Variants in TNIK observed in about 807,000 individuals in gnomAD.
TNIK encodes TRAF2 and NCK interacting kinase, also known as TRAF2 and NCK-interacting protein kinase.
A neutral mutation model predicts 191.3 loss-of-function variants in TNIK; 49 were observed. The observed-to-expected ratio is 0.26, with a 90% CI of 0.20 to 0.32. The LOEUF is 0.32. TNIK is among the 10% of genes least tolerant of loss of function. The pLI is 1.00. For synonymous variants in TNIK, 594 were observed against 600.9 expected (o/e 0.99, Z 0.17); for missense variants, 1,155 against 1,702.3 (o/e 0.68, Z 5.66).
intron 21 of TNIK, among the ~76,000 whole-genome samples, chr3:171,105,662 G>A (rs1458392601): frequency 2.0e-5 from 3 of 152,084 alleles, no homozygotes. Flanking sequence ...CCAGTGTGGT[G>A]CAGTACACCA....
At chr3:171,115,619 C>A (rs549295775) in intron 18 of TNIK, among the ~76,000 whole-genome samples, 1 of 152,148 alleles carries the variant, frequency 6.6e-6, no homozygotes, top group East Asian at 1.9e-4. Context: ...GTTGTTTTTC[C>A]TGATGCATGT....
At chr3:171,344,217 T>C (rs897230958) in intron 2 of TNIK, among the ~76,000 whole-genome samples, 3 of 152,186 alleles carry the variant, frequency 2.0e-5, no homozygotes, top group Admixed American at 1.3e-4. Context: ...TTTCTGGGAG[T>C]TACAAACATC....
rs145874482 is a variant in TNIK at position 171,139,803 on chromosome 3, A to G, written c.1333-247T>C. On this transcript the variant is annotated intron_variant, in intron 13 of 32. Transcript: ENST00000436636. ...GATGTCTCGGCATTTTACTGCTACTACTTGGTTTTAATAAGCCCAGCTACA... is the reference window on the plus strand; with the variant it reads ...GATGTCTCGGCATTTTACTGCTACTGCTTGGTTTTAATAAGCCCAGCTACA... 1.2e-3 allele frequency among the ~76,000 whole-genome samples: 177 copies of G among 152,254 alleles called. 1 individual carries two copies. The highest frequency in any genetic ancestry group is 4.2e-3 in the African/African-American group (173 of 41,542).
At chr3:171,283,819 G>C (rs1214717533) in intron 2 of TNIK, among the ~76,000 whole-genome samples, 1 of 152,152 alleles carries the variant, frequency 6.6e-6, no homozygotes, top group African/African-American at 2.4e-5. Context: ...CGCTGCATGG[G>C]AATACAAGCA....
chr3:171,430,509 T>A (rs1725234955), intron 1 of TNIK, among the ~76,000 whole-genome samples: 2 of 151,610 alleles, frequency 1.3e-5, no homozygotes, highest in Admixed American at 1.3e-4. Flanking sequence ...AGTGGTGGTG[T>A]GGACTTGCAG....
chr3:171,090,151 G>A (rs1314050583), intron 23 of TNIK, among the ~76,000 whole-genome samples: 2 of 152,142 alleles, frequency 1.3e-5, no homozygotes, highest in Non-Finnish European at 2.9e-5. Context: ...CAGAGGGAGA[G>A]AAAGCTCCTC....
intron 1 of TNIK, among the ~76,000 whole-genome samples, chr3:171,428,168 C>T (rs1724891099): frequency 6.6e-6 from 1 of 152,138 alleles, no homozygotes; most frequent in South Asian, 2.1e-4. Context: ...TGAGAACAGA[C>T]TCAAGGTCAA....
rs368380975 is a variant in TNIK at position 171,445,237 on chromosome 3, T to C, written c.57+14770A>G. 9.8e-4 allele frequency among the ~76,000 whole-genome samples: 149 copies of C among 151,836 alleles called. No individual in the cohort carries two copies. The Middle Eastern group carries it at 0.014, about 14-fold the overall frequency. ...TTGAGCTTAGGAATCCGAGATCACGTAGGAAAGCCCTTCTCTATAAAAAAT... is the reference window on the plus strand; with the variant it reads ...TTGAGCTTAGGAATCCGAGATCACGCAGGAAAGCCCTTCTCTATAAAAAAT... On this transcript the variant is annotated intron_variant, in intron 1 of 32. Transcript: ENST00000436636.
At chr3:171,422,178 G>A (rs1723892756) in intron 1 of TNIK, among the ~76,000 whole-genome samples, 2 of 152,176 alleles carry the variant, frequency 1.3e-5, no homozygotes, top group Non-Finnish European at 2.9e-5. Context: ...TGTAAAGTCA[G>A]TTTGACTAAA....
chr3:171,405,157 TAGTA>T (rs1721497123), intron 1 of TNIK, among the ~76,000 whole-genome samples: 1 of 152,150 alleles, frequency 6.6e-6, no homozygotes, highest in Admixed American at 6.5e-5. Context: ...GGCCACACAC[TAGTA>T]AGTAACAGTG....
intron 23 of TNIK, among the ~76,000 whole-genome samples, chr3:171,090,662 A>G (rs908876131): frequency 6.6e-6 from 1 of 152,154 alleles, no homozygotes; most frequent in African/African-American, 2.4e-5. Context: ...GTAGCAGTGG[A>G]TAATACAAAA....
intron 18 of TNIK, among the ~76,000 whole-genome samples, chr3:171,115,432 C>T (rs1032035356): frequency 4.6e-5 from 7 of 152,162 alleles, no homozygotes; most frequent in African/African-American, 1.7e-4. Context: ...GCAGAGGGGA[C>T]AATAGGGAGC....
intron 2 of TNIK, among the ~76,000 whole-genome samples, chr3:171,277,522 G>A (rs532350023): frequency 6.6e-6 from 1 of 152,174 alleles, no homozygotes; most frequent in East Asian, 1.9e-4. Flanking sequence ...AAATTTCAGA[G>A]AAAATAATAT....
intron 15 of TNIK, among the ~76,000 whole-genome samples, chr3:171,132,187 A>AT (rs1204059451): frequency 6.6e-6 from 1 of 152,254 alleles, no homozygotes; most frequent in Admixed American, 6.5e-5. Context: ...GTGCTAGACC[A>AT]TAACAACAAA....
intron 22 of TNIK, among the ~76,000 whole-genome samples, chr3:171,100,407 T>G (rs1249992677): frequency 6.6e-6 from 1 of 152,118 alleles, no homozygotes; most frequent in African/African-American, 2.4e-5. Flanking sequence ...TGTAATGATG[T>G]TAATCAGTGA....
rs573648221 is a variant in TNIK at position 171,197,099 on chromosome 3, G to A, written c.307-2464C>T. On this transcript the variant is annotated intron_variant, in intron 4 of 32. Transcript: ENST00000436636. ...TAATGGTACTGTAGTTTTGTAAAAAGAAGTTCTTATCTTTTAGAGAAAAAT... is the reference window on the plus strand; with the variant it reads ...TAATGGTACTGTAGTTTTGTAAAAAAAAGTTCTTATCTTTTAGAGAAAAAT... 2.6e-4 allele frequency among the ~76,000 whole-genome samples: 40 copies of A among 152,268 alleles called. 1 individual carries two copies. In the East Asian group the frequency reaches 7.5e-3, roughly 29 times the overall value.
In TNIK at chr3:171,196,600, A is replaced by G. The variant is rs901718909; in HGVS notation, c.307-1965T>C. ...TAAATTGCAAGGGAGAAAAAAAGAG[A>G]CGCAAAGAAAACTTATAGATTTAAA... On this transcript the variant is annotated intron_variant, in intron 4 of 32. Coordinates refer to ENST00000436636, the MANE Select transcript of TNIK (RefSeq NM_015028.4). Among the ~76,000 whole-genome samples the G allele has an allele frequency of 8.5e-5, 13 of 152,314 alleles. No individual in the cohort carries two copies. The East Asian group carries it at 2.5e-3, about 29-fold the overall frequency.
At chr3:171,292,224 T>C (rs1751765143) in intron 2 of TNIK, among the ~76,000 whole-genome samples, 1 of 152,254 alleles carries the variant, frequency 6.6e-6, no homozygotes, top group South Asian at 2.1e-4. Flanking sequence ...GGTTGGCTTC[T>C]ATCCATTTTC....
At chr3:171,322,811 G>T (rs371704790) in intron 2 of TNIK, among the ~76,000 whole-genome samples, 28 of 134,144 alleles carry the variant, frequency 2.1e-4, no homozygotes, top group Non-Finnish European at 4.0e-4. Context: ...TGTTTTTTTT[G>T]TTGTTGTTAT....
Sources: allele counts gnomAD v4.1 joint callset (sites outside exome capture counted in the v4.1 genomes callset), GRCh38; gene constraint gnomAD v4.1.1; transcripts MANE v1.5; gene names NCBI Gene and HGNC (gene_info 2026-07-23, HGNC 2026-07-21).